The following DOCK4 variants were observed in gnomAD, a reference collection of about 807,000 sequenced individuals.
DOCK4 encodes the protein dedicator of cytokinesis 4.
DOCK4 carries 97 observed loss-of-function variants against 268.1 expected under a neutral mutation model. That is an observed-to-expected ratio of 0.36 (90% confidence interval 0.31 to 0.43). The LOEUF (loss-of-function observed/expected upper bound fraction) is 0.43. Among genes scored for constraint, DOCK4 ranks in the 20% least tolerant of loss-of-function variants. The pLI is 1.00. For missense variants in DOCK4, 2,145 were observed against 2,455.7 expected (o/e 0.87, Z 2.67); for synonymous variants, 954 against 887.2 (o/e 1.08, Z -1.34).
intron 1 of DOCK4, among the ~76,000 whole-genome samples, chr7:112,052,977 C>T (rs554074757): frequency 1.1e-4 from 17 of 152,224 alleles, no homozygotes; most frequent in African/African-American, 3.4e-4. Flanking sequence ...CCAAACTCCC[C>T]GGAGTTAAAA....
intron 1 of DOCK4, among the ~76,000 whole-genome samples, chr7:112,064,492 T>A (rs989905953): frequency 6.6e-6 from 1 of 152,208 alleles, no homozygotes; most frequent in Admixed American, 6.5e-5. Context: ...CCATCTGTAT[T>A]AGAGTTTGCA....
chr7:111,963,363 G>A (rs554017711), intron 8 of DOCK4, among the ~76,000 whole-genome samples: 25 of 132,984 alleles, frequency 1.9e-4, no homozygotes, highest in Admixed American at 3.7e-4. Context: ...CCGTGCGCGA[G>A]CCTAAGCAGG....
At chr7:111,985,456 GCTTT>G (rs1798979366) in intron 6 of DOCK4, among the ~76,000 whole-genome samples, 1 of 152,054 alleles carries the variant, frequency 6.6e-6, no homozygotes, top group Non-Finnish European at 1.5e-5. Flanking sequence ...TAGAACCACA[GCTTT>G]CTTACTTTCG....
chr7:112,152,740 C>T (rs577164710), intron 1 of DOCK4, among the ~76,000 whole-genome samples: 3 of 152,208 alleles, frequency 2.0e-5, no homozygotes, highest in Admixed American at 6.5e-5. Flanking sequence ...CCTGCCTCAG[C>T]CTCCCAAAGC....
chr7:111,774,425 C>T (rs1220021473), intron 36 of DOCK4, among the ~76,000 whole-genome samples: 1 of 152,070 alleles, frequency 6.6e-6, no homozygotes, highest in Non-Finnish European at 1.5e-5. Flanking sequence ...CGAGATTGCA[C>T]CACTGCACTC....
chr7:111,992,385 G>A (rs1283801406), intron 5 of DOCK4, among the ~76,000 whole-genome samples: 1 of 152,082 alleles, frequency 6.6e-6, no homozygotes, highest in East Asian at 1.9e-4. Flanking sequence ...ATTTACATTA[G>A]GAAAAGAGAA....
In DOCK4 at chr7:111,746,370, C is replaced by A; in HGVS notation, c.4641G>T (p.Glu1547Asp). 3 of 1,613,082 alleles carry A rather than the reference C, an allele frequency of 1.9e-6. No homozygotes were observed. Among genetic ancestry groups the A allele is most frequent in the Non-Finnish European group, 1.7e-6 (2 of 1,179,512 alleles). The change falls in exon 44 of 53, where the codon GAG becomes GAT. Residue 1547 changes from glutamate to aspartate, a missense_variant. Physicochemically the swap from Glu to Asp is conservative, Grantham distance 45. Coordinates refer to ENST00000428084, the MANE Select transcript of DOCK4 (RefSeq NM_001363540.2). ...TCAGCTCTCTTAATCGTGCAATTTT[C>A]TCCCCATCTTCAGGGTGACTTAAGA... ...EYILSHPEDG[E>D]KIARLRELML... is the part of the protein sequence containing the mutation.
chr7:111,868,746 T>C (rs1369747253), intron 21 of DOCK4, among the ~76,000 whole-genome samples: 1 of 152,178 alleles, frequency 6.6e-6, no homozygotes, highest in Admixed American at 6.5e-5. Context: ...TTTATCATTC[T>C]GGAGTATGAT....
intron 8 of DOCK4, among the ~76,000 whole-genome samples, chr7:111,949,778 G>T (rs187093684): frequency 6.6e-6 from 1 of 152,060 alleles, no homozygotes; most frequent in Non-Finnish European, 1.5e-5. Flanking sequence ...TCAGCAAATG[G>T]TTTTGGACAA....
intron 1 of DOCK4, among the ~76,000 whole-genome samples, chr7:112,118,455 G>A (rs2115844897): frequency 6.6e-6 from 1 of 152,102 alleles, no homozygotes; most frequent in Non-Finnish European, 1.5e-5. Flanking sequence ...AAATATTTTG[G>A]CCTCTCAATC....
At chr7:112,063,685 T>C (rs1420234069) in intron 1 of DOCK4, among the ~76,000 whole-genome samples, 2 of 152,198 alleles carry the variant, frequency 1.3e-5, no homozygotes, top group Admixed American at 1.3e-4. Context: ...AAAAAAGGAA[T>C]TTACTGATGG....
Position 112,188,583 on chromosome 7 carries a change from G to C in DOCK4, c.37+17519C>G, listed in dbSNP as rs530059010. ...GTGCAAACTGTGCTGCATGGCATACGTGTCTGGAACACGCAATAATTCCAT... is the reference window on the plus strand; with the variant it reads ...GTGCAAACTGTGCTGCATGGCATACCTGTCTGGAACACGCAATAATTCCAT... On this transcript the variant is annotated intron_variant, in intron 1 of 52. Transcript: ENST00000428084. Among the ~76,000 whole-genome samples, 5 of 152,290 alleles carry C rather than the reference G, an allele frequency of 3.3e-5. 1 individual carries two copies. Among genetic ancestry groups the C allele is most frequent in the East Asian group, 1.9e-4 (1 of 5,188 alleles).
At chr7:111,745,971 T>C (rs988142435) in intron 44 of DOCK4, among the ~76,000 whole-genome samples, 1 of 152,212 alleles carries the variant, frequency 6.6e-6, no homozygotes, top group Admixed American at 6.5e-5. Context: ...CTTCAGGCTA[T>C]GTGTATAAGA....
At position 112,206,296 on chromosome 7, in the gene DOCK4, G is replaced by T; in HGVS notation, c.-158C>A. 1.3e-6 allele frequency: 1 copy of T among 763,886 alleles called. No individual in the cohort carries two copies. The highest frequency in any genetic ancestry group is 1.8e-5 in the South Asian group (1 of 54,738). The allele number at this position is 763,886 out of a possible 1,614,324, so 47.3% of individuals were successfully genotyped here. A position where few individuals can be genotyped will look rare whatever the true frequency, so the allele number is the denominator to read the frequency against. Reference sequence around the variant, plus strand: ...CAGGATCTGCGCTGGAGGCTCCCGAGCCCAGCGTTGACACTGCGCCGCCCG... The same window carrying T: ...CAGGATCTGCGCTGGAGGCTCCCGATCCCAGCGTTGACACTGCGCCGCCCG... On this transcript the variant is annotated 5_prime_UTR_variant, in exon 1 of 53. Transcript: ENST00000428084.
chr7:112,178,208 C>T (rs148505751), intron 1 of DOCK4, among the ~76,000 whole-genome samples: 4 of 152,300 alleles, frequency 2.6e-5, no homozygotes, highest in South Asian at 2.1e-4. Context: ...AGAGAGTTGT[C>T]GTGTTCTTGC....
At position 111,779,326 on chromosome 7, in the gene DOCK4, G is replaced by T. The variant is rs192201571; in HGVS notation, c.3586-957C>A. ...TTGAAAATATTTTGTTTCCTAAGAA[G>T]TATTTAGATCTTAGGAAATATCTCT... On this transcript the variant is annotated intron_variant, in intron 35 of 52. Transcript: ENST00000428084. Among the ~76,000 whole-genome samples the T allele has an allele frequency of 3.3e-5, 5 of 152,252 alleles. 1 individual carries two copies. The East Asian group carries it at 9.6e-4, about 29-fold the overall frequency.
intron 23 of DOCK4, among the ~76,000 whole-genome samples, chr7:111,850,955 A>C (rs1804496036): frequency 6.6e-6 from 1 of 152,152 alleles, no homozygotes; most frequent in Non-Finnish European, 1.5e-5. Flanking sequence ...AAATGTCATT[A>C]ATTATTTTTT....
chr7:112,197,970 GAAAAAAAAA>G (rs10525534), intron 1 of DOCK4, among the ~76,000 whole-genome samples: 2 of 111,092 alleles, frequency 1.8e-5, no homozygotes, highest in Admixed American at 1.0e-4. Flanking sequence ...GACCTGCCTA[GAAAAAAAAA>G]AAAAAAAAAA....
At chr7:111,945,876 C>T (rs1160887871) in intron 8 of DOCK4, 78 bp from the exon 9 acceptor site, 5 of 1,076,160 alleles carry the variant, frequency 4.6e-6, no homozygotes, top group East Asian at 5.2e-5. Flanking sequence ...TACTCTTCAT[C>T]ACAACAGGTA....
Sources: allele counts gnomAD v4.1 joint callset (sites outside exome capture counted in the v4.1 genomes callset), GRCh38; gene constraint gnomAD v4.1.1; transcripts MANE v1.5; gene names NCBI Gene and HGNC (gene_info 2026-07-23, HGNC 2026-07-21).